XRCC6: variants seen among roughly 807,000 people sequenced by gnomAD.
The protein encoded by XRCC6 is DNA repair protein Ku70.
In XRCC6, 5 loss-of-function variants were observed where a neutral mutation model predicts 65.7. The ratio of observed to expected loss-of-function variants is 0.08; its 90% CI spans 0.04 to 0.16. The LOEUF (loss-of-function observed/expected upper bound fraction) is 0.16, where lower values mean the gene tolerates loss of function less well. Among genes scored for constraint, XRCC6 ranks in the 10% least tolerant of loss-of-function variants. The probability of loss-of-function intolerance (pLI) is 1.00; values close to 1 mark genes in which losing one functional copy is unlikely to be tolerated. For synonymous variants in XRCC6, 270 were observed against 270.6 expected (o/e 1.00, Z 0.02); for missense variants, 447 against 738.1 (o/e 0.61, Z 4.57).
At position 41,656,831 on chromosome 22, in the gene XRCC6, A is replaced by G. The variant is rs975659552; in HGVS notation, c.1292-72A>G. 2.9e-5 allele frequency: 47 copies of G among 1,601,660 alleles called. 1 individual carries two copies. Among genetic ancestry groups the G allele is most frequent in the Non-Finnish European group, 3.9e-5 (46 of 1,175,494 alleles). On this transcript the variant is annotated intron_variant, in intron 9 of 12. Transcript: ENST00000360079. ...CAGCACCACAGGACATAAAAGGAAG[A>G]ATTTGGAGCTGAGAAACAAGTGACT...
chr22:41,649,139 A>AATATATATATATATATATATATATAT (rs1555906700), intron 7 of XRCC6, among the ~76,000 whole-genome samples: 48 of 88,670 alleles, frequency 5.4e-4, no homozygotes, highest in Admixed American at 2.8e-3. Flanking sequence ...AAAAAAAAAA[A>AATATATATATATATATATATATATAT]ATATATATAT....
At chr22:41,662,682 G>A (rs2068110539) in intron 12 of XRCC6, among the ~76,000 whole-genome samples, 2 of 152,208 alleles carry the variant, frequency 1.3e-5, no homozygotes, top group East Asian at 1.9e-4. Flanking sequence ...CATTCTTGCA[G>A]TGAATTGCTT....
chr22:41,645,305 A>AC (rs2067919857), intron 6 of XRCC6, among the ~76,000 whole-genome samples: 4 of 151,610 alleles, frequency 2.6e-5, no homozygotes, highest in Admixed American at 6.6e-5. Flanking sequence ...ATCTTTAAAA[A>AC]AAAAAAACAA....
chr22:41,630,717 C>T (rs1266187498), intron 3 of XRCC6, among the ~76,000 whole-genome samples: 1 of 152,028 alleles, frequency 6.6e-6, no homozygotes, highest in Non-Finnish European at 1.5e-5. Context: ...GAGCATGCTG[C>T]CTTCAATCCA....
intron 8 of XRCC6, among the ~76,000 whole-genome samples, chr22:41,652,287 C>T (rs1291475615): frequency 6.6e-6 from 1 of 151,912 alleles, no homozygotes; most frequent in East Asian, 1.9e-4. Context: ...CCAGATTTGA[C>T]TCGATTGGTT....
rs1470467480 is a variant in XRCC6 at position 41,649,135 on chromosome 22, A to AT, written c.961-1588_961-1587insT. On this transcript the variant is annotated intron_variant, in intron 7 of 12. Coordinates refer to ENST00000360079, the MANE Select transcript of XRCC6 (RefSeq NM_001469.5). ...CCTGGGGAAGAGAGTACAAAAAAAAAAAAAATATATATATATATATATATA... is the reference window on the plus strand; with the variant it reads ...CCTGGGGAAGAGAGTACAAAAAAAAATAAAAATATATATATATATATATATA... Among the ~76,000 whole-genome samples the AT allele has an allele frequency of 7.3e-4, 69 of 94,882 alleles. 1 individual carries two copies. Among genetic ancestry groups the AT allele is most frequent in the South Asian group, 6.9e-3 (17 of 2,458 alleles). The allele number at this position is 94,882 out of a possible 152,430, so 62.2% of individuals were successfully genotyped here. A position where few individuals can be genotyped will look rare whatever the true frequency, so the allele number is the denominator to read the frequency against.
Position 41,661,343 on chromosome 22 carries a change from A to C in XRCC6, c.1535A>C (p.Glu512Ala). Residue 512 changes from glutamate (E) to alanine (A), a missense_variant, in exon 12 of 13, where the codon GAA becomes GCA. By Grantham distance (107) the Glu-to-Ala change is moderately radical. Coordinates refer to ENST00000360079, the MANE Select transcript of XRCC6 (RefSeq NM_001469.5). ...TTTGATTTTCTAGTGCCCAAGGTTG[A>C]AGCAATGAATAAAAGACTGGGCTCC... ...QAVDLTLPKV[E>A]AMNKRLGSLV... 6.2e-7 allele frequency: 1 copy of C among 1,613,634 alleles called. No homozygotes were observed. The highest frequency in any genetic ancestry group is 8.5e-7 in the Non-Finnish European group (1 of 1,179,888).
At chr22:41,641,100 G>C (rs2067870659) in intron 6 of XRCC6, among the ~76,000 whole-genome samples, 1 of 152,068 alleles carries the variant, frequency 6.6e-6, no homozygotes, top group African/African-American at 2.4e-5. Context: ...TTAAAAAACT[G>C]TACTTTCACA....
In XRCC6 at chr22:41,656,075, A is replaced by T. The variant is rs564515565; in HGVS notation, c.1292-828A>T. On this transcript the variant is annotated intron_variant, in intron 9 of 12. Coordinates refer to ENST00000360079, the MANE Select transcript of XRCC6 (RefSeq NM_001469.5). The stretch of plus-strand genomic sequence containing the variant: ...TGAAACTCTGTCTCTGCAAAAAAAT[A>T]AAAAAAAGTAGCCAAGTGTGGTGGC... Among the ~76,000 whole-genome samples the T allele has an allele frequency of 4.6e-5, 7 of 151,342 alleles. No homozygotes were observed. In the East Asian group the frequency reaches 1.2e-3, roughly 26 times the overall value.
At chr22:41,648,222 A>G (rs1160236722) in intron 7 of XRCC6, 1 of 151,960 alleles carries the variant, frequency 6.6e-6, no homozygotes, top group Admixed American at 6.6e-5. Flanking sequence ...CTGTTAAACC[A>G]CAAAGACTTA....
Position 41,650,703 on chromosome 22 carries a change from T to A in XRCC6, c.961-20T>A, listed in dbSNP as rs1347570525. 6.2e-7 allele frequency: 1 copy of A among 1,609,708 alleles called. No individual in the cohort carries two copies. Among genetic ancestry groups the A allele is most frequent in the African/African-American group, 1.3e-5 (1 of 74,822 alleles). On this transcript the variant is annotated intron_variant, in intron 7 of 12. Transcript: ENST00000360079. The stretch of plus-strand genomic sequence containing the variant: ...TCCTCGTAGCCTTCCCATTTGATCC[T>A]TGTCGTTCTTCTCCTTCAGATCTAT...
At chr22:41,644,071 C>T (rs1189582075) in intron 6 of XRCC6, among the ~76,000 whole-genome samples, 2 of 151,960 alleles carry the variant, frequency 1.3e-5, no homozygotes, top group African/African-American at 2.4e-5. Context: ...CTCTTGAACC[C>T]GGGAGGCGGA....
intron 7 of XRCC6, among the ~76,000 whole-genome samples, chr22:41,647,674 G>A (rs572190343): frequency 1.7e-4 from 26 of 151,570 alleles, no homozygotes; most frequent in Admixed American, 9.9e-4. Flanking sequence ...TTGGCTTCCC[G>A]AAGTGCTGGG....
At chr22:41,658,139 G>A (rs764317608) in intron 10 of XRCC6, 113 bp from the exon 11 acceptor site, 14 of 987,238 alleles carry the variant, frequency 1.4e-5, no homozygotes, top group Non-Finnish European at 2.2e-5. Flanking sequence ...TGTTTTACTT[G>A]GGGTGTTTTT....
chr22:41,663,789 G>A lies in XRCC6; in HGVS notation c.1804G>A (p.Ala602Thr). 6.2e-7 allele frequency: 1 copy of A among 1,613,508 alleles called. No individual in the cohort carries two copies. Among genetic ancestry groups the A allele is most frequent in the Non-Finnish European group, 8.5e-7 (1 of 1,179,878 alleles). ...SGLKKQELLE[A>T]LTKHFQD ...GCTGAAGAAGCAGGAGCTGCTGGAA[G>A]CCCTCACCAAGCACTTCCAGGACTG... Residue 602 changes from alanine to threonine, a missense_variant, in exon 13 of 13, where the codon GCC becomes ACC. Transcript: ENST00000360079.
At chr22:41,643,557 A>T (rs2067900507) in intron 6 of XRCC6, among the ~76,000 whole-genome samples, 1 of 152,202 alleles carries the variant, frequency 6.6e-6, no homozygotes, top group South Asian at 2.1e-4. Flanking sequence ...GCGCTGGCTC[A>T]TGCCTGTAAT....
At chr22:41,646,537 T>G (rs2067933928) in intron 6 of XRCC6, among the ~76,000 whole-genome samples, 1 of 152,116 alleles carries the variant, frequency 6.6e-6, no homozygotes, top group Non-Finnish European at 1.5e-5. Context: ...TATTGGAGCA[T>G]TATGGGTTGT....
intron 11 of XRCC6, among the ~76,000 whole-genome samples, chr22:41,660,156 T>TA (rs1020725533): frequency 1.3e-5 from 2 of 152,180 alleles, no homozygotes; most frequent in African/African-American, 4.8e-5. Context: ...GCTTGGCAAA[T>TA]ACGGGCATGT....
At chr22:41,653,391 G>A (rs1399272194) in intron 8 of XRCC6, 138 bp from the exon 9 acceptor site, 8 of 819,544 alleles carry the variant, frequency 9.8e-6, no homozygotes, top group Middle Eastern at 4.0e-4. Context: ...GTGACAGAGC[G>A]AGACCCCGTC....
Sources: allele counts gnomAD v4.1 joint callset (sites outside exome capture counted in the v4.1 genomes callset), GRCh38; gene constraint gnomAD v4.1.1; transcripts MANE v1.5; gene names NCBI Gene and HGNC (gene_info 2026-07-23, HGNC 2026-07-21).